Variants in KMT2C observed in about 807,000 individuals in gnomAD.
The protein encoded by KMT2C is histone-lysine N-methyltransferase 2C.
A neutral mutation model predicts 507.9 loss-of-function variants in KMT2C; 88 were observed. The ratio of observed to expected loss-of-function variants is 0.17; its 90% CI spans 0.15 to 0.21. KMT2C has a LOEUF of 0.21. Ranked by LOEUF, KMT2C falls within the 10% of genes least tolerant of loss-of-function variation. The pLI, the probability that KMT2C is intolerant of heterozygous loss-of-function variation, is 1.00. For missense variants in KMT2C, 4,954 were observed against 5,957.8 expected (o/e 0.83, Z 5.55); for synonymous variants, 2,049 against 2,080.8 (o/e 0.98, Z 0.42).
chr7:152,242,382 TAA>T (rs145050542), intron 14 of KMT2C, among the ~76,000 whole-genome samples: 18 of 152,248 alleles, frequency 1.2e-4, no homozygotes, highest in Admixed American at 2.6e-4. Context: ...TTTCTTCACT[TAA>T]AAAAAGTTAC....
rs749505031 is a variant in KMT2C, at chr7:152,194,273, T to TAA, written c.4508-14_4508-13dup. Reference sequence around the variant, plus strand: ...TCCAAGAATTGCTCCTAGAATAAATTAAAAAAAAAAAAGAAACATTAACAG... The same window carrying TAA: ...TCCAAGAATTGCTCCTAGAATAAATTAAAAAAAAAAAAAAGAAACATTAACAG... On this transcript the variant is annotated splice_polypyrimidine_tract_variant and intron_variant, in intron 29 of 58. Transcript: ENST00000262189. 8.5e-5 allele frequency: 97 copies of TAA among 1,140,606 alleles called. No individual in the cohort carries two copies. The highest frequency in any genetic ancestry group is 1.6e-4 in the Admixed American group (6 of 37,884). 70.7% of individuals were successfully genotyped at this position (1,140,606 alleles called of 1,614,324 possible). A position where few individuals can be genotyped will look rare whatever the true frequency, so the allele number is the denominator to read the frequency against.
rs180684664 is a variant in KMT2C, at chr7:152,395,283, C to A, written c.162-36608G>T. On this transcript the variant is annotated intron_variant, in intron 1 of 58. Transcript: ENST00000262189. ...CACTGCATTCTCGACCTTTTGGGCTCAAGTAATCCTCCCATCTCGACTCCT... is the reference window on the plus strand; with the variant it reads ...CACTGCATTCTCGACCTTTTGGGCTAAAGTAATCCTCCCATCTCGACTCCT... Among the ~76,000 whole-genome samples, 230 of 151,932 alleles carry A rather than the reference C, an allele frequency of 1.5e-3. 2 individuals are homozygous for A. The highest frequency in any genetic ancestry group is 5.3e-3 in the African/African-American group (220 of 41,406).
intron 28 of KMT2C, among the ~76,000 whole-genome samples, chr7:152,194,861 A>G (rs1222805480): frequency 6.6e-6 from 1 of 151,100 alleles, no homozygotes; most frequent in Non-Finnish European, 1.5e-5. Context: ...AAAAAAAAAA[A>G]GCTTAAGATA....
intron 31 of KMT2C, among the ~76,000 whole-genome samples, chr7:152,189,190 T>C (rs1179418917): frequency 6.6e-6 from 1 of 152,216 alleles, no homozygotes; most frequent in Non-Finnish European, 1.5e-5. Flanking sequence ...ACTCCAGTCC[T>C]TATTGTGAAA....
At chr7:152,145,008 G>C in intron 54 of KMT2C, 127 bp from the exon 55 acceptor site, 1 of 1,366,402 alleles carries the variant, frequency 7.3e-7, no homozygotes, top group South Asian at 1.4e-5. Context: ...CTGCCTAGCA[G>C]AGACACACGG....
chr7:152,323,829 A>G, intron 3 of KMT2C, among the ~76,000 whole-genome samples: 1 of 141,458 alleles, frequency 7.1e-6, no homozygotes, highest in Admixed American at 7.0e-5. Context: ...GGGATTAAGG[A>G]AGAGTGGGGA....
intron 1 of KMT2C, among the ~76,000 whole-genome samples, chr7:152,399,557 C>G (rs1053977398): frequency 3.3e-5 from 5 of 151,790 alleles, no homozygotes; most frequent in African/African-American, 7.3e-5. Context: ...TAAAGTAAAG[C>G]CTGCCTGCCA....
intron 1 of KMT2C, among the ~76,000 whole-genome samples, chr7:152,411,066 C>T (rs2097678135): frequency 6.6e-6 from 1 of 152,182 alleles, no homozygotes; most frequent in African/African-American, 2.4e-5. Context: ...CATACACACA[C>T]AATTCTCTAT....
intron 46 of KMT2C, 88 bp downstream of exon 46, chr7:152,155,822 T>C: frequency 7.9e-7 from 1 of 1,267,862 alleles, no homozygotes; most frequent in Non-Finnish European, 1.1e-6. Flanking sequence ...TACATGCTAT[T>C]CCTAAAGACA....
chr7:152,425,605 G>A (rs1237618394), intron 1 of KMT2C, among the ~76,000 whole-genome samples: 1 of 152,094 alleles, frequency 6.6e-6, no homozygotes, highest in Non-Finnish European at 1.5e-5. Context: ...TGGCCATACT[G>A]ACCAAACACT....
intron 6 of KMT2C, among the ~76,000 whole-genome samples, chr7:152,293,264 GA>G (rs1235085741): frequency 6.6e-6 from 1 of 152,096 alleles, no homozygotes; most frequent in Non-Finnish European, 1.5e-5. Flanking sequence ...GTCCATGTGT[GA>G]AAAAATGATA....
At chr7:152,149,217 T>C (rs1009068946) in intron 51 of KMT2C, 65 bp from the exon 52 acceptor site, 25 of 1,406,918 alleles carry the variant, frequency 1.8e-5, no homozygotes, top group Non-Finnish European at 2.0e-5. Flanking sequence ...CAATTCTTGT[T>C]AAGACAAGAA....
At chr7:152,267,586 G>A (rs1395269013) in intron 7 of KMT2C, among the ~76,000 whole-genome samples, 1 of 152,164 alleles carries the variant, frequency 6.6e-6, no homozygotes, top group Non-Finnish European at 1.5e-5. Context: ...GGCGAAGACT[G>A]CAATTACCTT....
At chr7:152,250,715 G>T in intron 12 of KMT2C, 138 bp downstream of exon 12, 1 of 560,450 alleles carries the variant, frequency 1.8e-6, no homozygotes, top group Admixed American at 3.3e-5. Context: ...CTATTAATTT[G>T]TCTAAGATTA....
rs767212187 is a variant in KMT2C, at chr7:152,163,336, T to C, written c.10241A>G (p.Gln3414Arg). 11 of 1,614,114 alleles carry C rather than the reference T, an allele frequency of 6.8e-6. No individual in the cohort carries two copies. The highest frequency in any genetic ancestry group is 8.5e-6 in the Non-Finnish European group (10 of 1,180,038). The change falls in exon 43 of 59, where the codon CAA becomes CGA. Residue 3414 changes from glutamine to arginine, a missense_variant. Physicochemically the swap from Gln to Arg is conservative, Grantham distance 43. Transcript: ENST00000262189. ...LREQQERQRI[Q>R]LMQEVDRQRA... is the part of the protein sequence containing the mutation. ...TTGTCTATCTACCTCCTGCATGAGTTGGATCCGTTGTCTCTCTTGCTGTTC... is the reference window on the plus strand; with the variant it reads ...TTGTCTATCTACCTCCTGCATGAGTCGGATCCGTTGTCTCTCTTGCTGTTC...
chr7:152,359,364 A>G (rs779846740), intron 1 of KMT2C, among the ~76,000 whole-genome samples: 4 of 152,150 alleles, frequency 2.6e-5, no homozygotes, highest in Non-Finnish European at 5.9e-5. Flanking sequence ...GTAAAAGAAA[A>G]ATTAATAACA....
Position 152,148,524 on chromosome 7 carries a change from G to A in KMT2C, c.13403C>T (p.Thr4468Met), listed in dbSNP as rs369745886. Reference protein sequence around the residue: ...LQMKCVFCHKTGATSGCHRFR... With the variant: ...LQMKCVFCHKMGATSGCHRFR... Reference sequence around the variant, plus strand: ...TCTGTGGCATCCACTAGTGGCACCCGTCTTGTGACAGAAGACACATTTCAT... The same window carrying A: ...TCTGTGGCATCCACTAGTGGCACCCATCTTGTGACAGAAGACACATTTCAT... The change falls in exon 52 of 59, where the codon ACG becomes ATG. Residue 4468 changes from threonine to methionine, a missense_variant. Physicochemically the swap from Thr to Met is moderately conservative, Grantham distance 81. This residue lies in a region of KMT2C where 39 missense variants were observed against 101.8 expected (regional missense o/e 0.38). Coordinates refer to ENST00000262189, the MANE Select transcript of KMT2C (RefSeq NM_170606.3). This position sits in a 1 kb window ranked among gnomAD's most constrained non-coding sequence, Gnocchi z 7.1. 121 of 1,614,126 alleles carry A rather than the reference G, an allele frequency of 7.5e-5. No individual in the cohort carries two copies. The highest frequency in any genetic ancestry group is 7.8e-5 in the Non-Finnish European group (92 of 1,180,060).
chr7:152,284,953 C>A (rs892979711), intron 6 of KMT2C, among the ~76,000 whole-genome samples: 1 of 152,154 alleles, frequency 6.6e-6, no homozygotes, highest in South Asian at 2.1e-4. Context: ...ACTCTCAGAT[C>A]TCTAGAAACG....
At chr7:152,352,579 G>T (rs371910521) in intron 2 of KMT2C, among the ~76,000 whole-genome samples, 5 of 152,080 alleles carry the variant, frequency 3.3e-5, no homozygotes, top group Non-Finnish European at 5.9e-5. Flanking sequence ...TCTCTCCTTT[G>T]TACTCTGTCC....
Sources: gnomAD v4.1 joint callset for allele counts (sites outside exome capture counted in the v4.1 genomes callset) on GRCh38, gnomAD v4.1.1 for gene constraint, gnomAD v4.1.1 regional missense constraint, Gnocchi (gnomAD v3.1) non-coding constraint, MANE v1.5 for transcripts, NCBI Gene and HGNC (gene_info 2026-07-23, HGNC 2026-07-21) for gene names.